NRXN2: variants seen among roughly 807,000 people sequenced by gnomAD.
NRXN2 encodes the protein neurexin 2, also known as neurexin-2-beta.
A neutral mutation model predicts 128.8 loss-of-function variants in NRXN2; 29 were observed. The observed-to-expected ratio is 0.23, with a 90% confidence interval of 0.17 to 0.31. The LOEUF (loss-of-function observed/expected upper bound fraction) is 0.31, where lower values mean the gene tolerates loss of function less well. NRXN2 is among the 10% of genes least tolerant of loss of function. The pLI is 1.00. For missense variants in NRXN2, 1,881 were observed against 2,452.6 expected (o/e 0.77, Z 4.92); for synonymous variants, 1,098 against 1,075.2 (o/e 1.02, Z -0.41).
intron 1 of NRXN2, among the ~76,000 whole-genome samples, chr11:64,719,607 G>A (rs554575108): frequency 5.3e-5 from 8 of 152,344 alleles, no homozygotes; most frequent in South Asian, 2.1e-4. Context: ...CTGGGGAAGC[G>A]GGTGGGCTGG....
rs1012459937 is a variant in NRXN2, at chr11:64,635,209, G to C, written c.3585+62C>G. ...GAGGTGCTGATCCCATGGCAATGAGGGGCTGAACTGATTTGGGAGCAGGAA... is the reference window on the plus strand; with the variant it reads ...GAGGTGCTGATCCCATGGCAATGAGCGGCTGAACTGATTTGGGAGCAGGAA... On this transcript the variant is annotated intron_variant, in intron 18 of 22. Coordinates refer to ENST00000265459, the MANE Select transcript of NRXN2 (RefSeq NM_015080.4). The surrounding 1 kb of genome is among the most constrained non-coding windows in gnomAD (Gnocchi z 4.8). 5.1e-6 allele frequency: 8 copies of C among 1,583,380 alleles called. No homozygotes were observed. The highest frequency in any genetic ancestry group is 6.9e-6 in the Non-Finnish European group (8 of 1,155,120).
In NRXN2 at chr11:64,621,020, C is replaced by T. The variant is rs78168090; in HGVS notation, c.4174-648G>A. Among the ~76,000 whole-genome samples the T allele has an allele frequency of 5.0e-3, 762 of 151,612 alleles. 4 individuals carry two copies. Among genetic ancestry groups the T allele is most frequent in the African/African-American group, 0.018 (724 of 41,300 alleles). On this transcript the variant is annotated intron_variant, in intron 21 of 22. Transcript: ENST00000265459. ...CGCTCAGGGGCATGAAGGAGGAGAC[C>T]CAAGGAGGGAAATCAAAAGTCCAGG...
At chr11:64,686,897 G>A (rs781545961) in intron 5 of NRXN2, among the ~76,000 whole-genome samples, 1 of 152,342 alleles carries the variant, frequency 6.6e-6, no homozygotes, top group East Asian at 1.9e-4. Flanking sequence ...TCAGCATTCT[G>A]TAAGTTGGTA....
rs762653565 is a variant in NRXN2, at chr11:64,607,964, G to A, written c.4371C>T (p.Gly1457=). The change falls in exon 23 of 23, where the codon GGC becomes GGT. Residue 1457 remains glycine (G), a synonymous_variant. Coordinates refer to ENST00000265459, the MANE Select transcript of NRXN2 (RefSeq NM_015080.4). ...PTFYPFLTGV[G]ATQDTLPPPA... is the part of the protein sequence containing the mutation. Reference sequence around the variant, plus strand: ...GCGGGGGCAGCGTGTCTTGGGTGGCGCCCACTCCCGTGAGGAAGGGGTAGA... The same window carrying A: ...GCGGGGGCAGCGTGTCTTGGGTGGCACCCACTCCCGTGAGGAAGGGGTAGA... 6 of 1,454,230 alleles carry A rather than the reference G, an allele frequency of 4.1e-6. No individual in the cohort carries two copies. Among genetic ancestry groups the A allele is most frequent in the Non-Finnish European group, 5.5e-6 (6 of 1,094,276 alleles). The allele number at this position is 1,454,230 out of a possible 1,614,324, so 90.1% of individuals were successfully genotyped here. A position where few individuals can be genotyped will look rare whatever the true frequency, so the allele number is the denominator to read the frequency against.
chr11:64,632,276 C>T lies in NRXN2; in HGVS notation c.3586-1703G>A, dbSNP rs553580734. Among the ~76,000 whole-genome samples the T allele has an allele frequency of 5.9e-5, 9 of 152,310 alleles. No individual in the cohort carries two copies. The highest frequency in any genetic ancestry group is 1.0e-4 in the Non-Finnish European group (7 of 68,012). On this transcript the variant is annotated intron_variant, in intron 18 of 22. Coordinates refer to ENST00000265459, the MANE Select transcript of NRXN2 (RefSeq NM_015080.4). This position sits in a 1 kb window ranked among gnomAD's most constrained non-coding sequence, Gnocchi z 4.2. Reference sequence around the variant, plus strand: ...ACATACATATATGCATGCATGCACGCTAACACACAGATGCATGCACACAGT... The same window carrying T: ...ACATACATATATGCATGCATGCACGTTAACACACAGATGCATGCACACAGT...
At chr11:64,663,187 T>C (rs955141393) in intron 9 of NRXN2, among the ~76,000 whole-genome samples, 3 of 151,936 alleles carry the variant, frequency 2.0e-5, no homozygotes, top group African/African-American at 7.3e-5. Flanking sequence ...CTGGCCAACA[T>C]GGTGAAACCC....
At position 64,635,164 on chromosome 11, in the gene NRXN2, T is replaced by C; in HGVS notation, c.3585+107A>G. The C allele has an allele frequency of 1.6e-6, 2 of 1,290,034 alleles. No homozygotes were observed. The highest frequency in any genetic ancestry group is 2.2e-6 in the Non-Finnish European group (2 of 894,528). The allele number at this position is 1,290,034 out of a possible 1,614,324, so 79.9% of individuals were successfully genotyped here. ...AATGAGGGAACAGAGGTTCTGAGGG[T>C]TCCCCATGAGGGAAGACTTGAGGTG... is the stretch of plus-strand genomic sequence containing the variant. On this transcript the variant is annotated intron_variant, in intron 18 of 22. Coordinates refer to ENST00000265459, the MANE Select transcript of NRXN2 (RefSeq NM_015080.4). This position sits in a 1 kb window ranked among gnomAD's most constrained non-coding sequence, Gnocchi z 4.8.
chr11:64,660,509 A>C lies in NRXN2; in HGVS notation c.2212T>G (p.Ser738Ala). 6.2e-7 allele frequency: 1 copy of C among 1,614,152 alleles called. No homozygotes were observed. Among genetic ancestry groups the C allele is most frequent in the Non-Finnish European group, 8.5e-7 (1 of 1,180,018 alleles). ...REATVLSYDGSMYMKIMLPNA... is the reference protein window; with the variant it reads ...REATVLSYDGAMYMKIMLPNA... ...GGCAGCATGATCTTCATGTACATGGAGCCATCGTAGCTCAGGACCGTGGCC... is the reference window on the plus strand; with the variant it reads ...GGCAGCATGATCTTCATGTACATGGCGCCATCGTAGCTCAGGACCGTGGCC... The change falls in exon 11 of 23, where the codon TCC (serine) becomes GCC (alanine). Residue 738 changes from serine (S) to alanine (A), a missense_variant. Physicochemically the swap from Ser to Ala is moderately conservative, Grantham distance 99. Coordinates refer to ENST00000265459, the MANE Select transcript of NRXN2 (RefSeq NM_015080.4). This position sits in a 1 kb window ranked among gnomAD's most constrained non-coding sequence, Gnocchi z 5.2.
In NRXN2 at chr11:64,660,244, G is replaced by T; in HGVS notation, c.2389+88C>A. On this transcript the variant is annotated intron_variant, in intron 11 of 22. Coordinates refer to ENST00000265459, the MANE Select transcript of NRXN2 (RefSeq NM_015080.4). The surrounding 1 kb of genome is among the most constrained non-coding windows in gnomAD (Gnocchi z 5.2). ...TCTGCTGAGGGCACCTCTTGCTGGT[G>T]CCACCACCAGCTTCTCCAGACAGAG... The T allele has an allele frequency of 6.8e-7, 1 of 1,462,772 alleles. No homozygotes were observed. Among genetic ancestry groups the T allele is most frequent in the Non-Finnish European group, 9.6e-7 (1 of 1,044,812 alleles). The allele number at this position is 1,462,772 out of a possible 1,614,324, so 90.6% of individuals were successfully genotyped here. A position where few individuals can be genotyped will look rare whatever the true frequency, so the allele number is the denominator to read the frequency against.
intron 6 of NRXN2, among the ~76,000 whole-genome samples, chr11:64,683,169 T>C (rs2052540527): frequency 6.6e-6 from 1 of 152,202 alleles, no homozygotes. Context: ...CACTCTATCC[T>C]GTAAAGCTGA....
At position 64,630,894 on chromosome 11, in the gene NRXN2, G is replaced by A. The variant is rs764703806; in HGVS notation, c.3586-321C>T. Among the ~76,000 whole-genome samples, 3 of 152,224 alleles carry A rather than the reference G, an allele frequency of 2.0e-5. No homozygotes were observed. The highest frequency in any genetic ancestry group is 4.8e-5 in the African/African-American group (2 of 41,454). On this transcript the variant is annotated intron_variant, in intron 18 of 22. Coordinates refer to ENST00000265459, the MANE Select transcript of NRXN2 (RefSeq NM_015080.4). The surrounding 1 kb of genome is among the most constrained non-coding windows in gnomAD (Gnocchi z 4.6). The stretch of plus-strand genomic sequence containing the variant: ...TGCAAGGGCCACTGGGCCCAGACAG[G>A]GGTGATCGGGCCAAGCTGGGGACCA...
At chr11:64,669,290 G>C (rs942691596) in intron 7 of NRXN2, among the ~76,000 whole-genome samples, 3 of 152,168 alleles carry the variant, frequency 2.0e-5, no homozygotes, top group African/African-American at 7.2e-5. Context: ...TCCTGAGTCT[G>C]TCTCTTCACT....
intron 3 of NRXN2, 144 bp downstream of exon 3, chr11:64,697,631 C>T (rs2054741995): frequency 1.1e-6 from 1 of 922,746 alleles, no homozygotes; most frequent in South Asian, 1.4e-5. Flanking sequence ...GCAAGGCAGC[C>T]AAGGGAGGAC....
chr11:64,607,385 G>T lies in NRXN2; in HGVS notation c.4950C>A (p.Ile1650=). The part of the protein sequence containing the change: ...VGIVAAAALC[I]LILLYAMYKY... ...TATACATGGCGTAGAGGAGGATGAG[G>T]ATGCAGAGCGCCGCCGCCGCCACAA... The change falls in exon 23 of 23, where the codon ATC becomes ATA. Residue 1650 remains isoleucine (I), a synonymous_variant. Coordinates refer to ENST00000265459, the MANE Select transcript of NRXN2 (RefSeq NM_015080.4). The T allele has an allele frequency of 6.2e-7, 1 of 1,613,260 alleles. No individual in the cohort carries two copies. Among genetic ancestry groups the T allele is most frequent in the African/African-American group, 1.3e-5 (1 of 74,974 alleles).
intron 19 of NRXN2, among the ~76,000 whole-genome samples, chr11:64,627,745 T>C (rs569373514): frequency 1.3e-5 from 2 of 152,182 alleles, no homozygotes; most frequent in African/African-American, 4.8e-5. Flanking sequence ...GTGATCCTGG[T>C]CTGCAGCAGT....
chr11:64,657,559 G>C (rs763322686), intron 11 of NRXN2, among the ~76,000 whole-genome samples: 1 of 152,282 alleles, frequency 6.6e-6, no homozygotes, highest in African/African-American at 2.4e-5. Flanking sequence ...AACCACCACA[G>C]ACGTAGGCAG....
intron 1 of NRXN2, among the ~76,000 whole-genome samples, chr11:64,720,775 G>C (rs1198279260): frequency 1.3e-5 from 2 of 152,214 alleles, no homozygotes; most frequent in African/African-American, 4.8e-5. Flanking sequence ...AGCTTGCTGG[G>C]GGGCAGGGAC....
chr11:64,612,818 T>G (rs889924245), intron 22 of NRXN2, among the ~76,000 whole-genome samples: 1 of 152,218 alleles, frequency 6.6e-6, no homozygotes, highest in African/African-American at 2.4e-5. Context: ...TACAGGGCAT[T>G]TCATGGGGGT....
chr11:64,625,180 C>A (rs532905876), intron 20 of NRXN2, among the ~76,000 whole-genome samples: 30 of 152,360 alleles, frequency 2.0e-4, no homozygotes, highest in Non-Finnish European at 3.5e-4. Context: ...CCCCCACCCC[C>A]CAACAGGGCC....
Sources: gnomAD v4.1 joint callset for allele counts (sites outside exome capture counted in the v4.1 genomes callset) on GRCh38, gnomAD v4.1.1 for gene constraint, Gnocchi (gnomAD v3.1) non-coding constraint, MANE v1.5 for transcripts, NCBI Gene and HGNC (gene_info 2026-07-23, HGNC 2026-07-21) for gene names.